CDC27: variants seen among roughly 807,000 people sequenced by gnomAD.
The protein encoded by CDC27 is cell division cycle protein 27 homolog.
Under a neutral mutation model 109.7 loss-of-function variants are expected in CDC27, and 27 were observed. The observed-to-expected ratio is 0.25, with a 90% CI of 0.18 to 0.34. The LOEUF (loss-of-function observed/expected upper bound fraction) is 0.34, where lower values mean the gene tolerates loss of function less well. Among genes scored for constraint, CDC27 ranks in the 10% least tolerant of loss-of-function variants. The pLI is 1.00. For synonymous variants in CDC27, 266 were observed against 333.9 expected, an observed-to-expected ratio of 0.80 and a Z score of 2.22; for missense variants, 579 against 960.2, an observed-to-expected ratio of 0.60 and a Z score of 5.25.
intron 4 of CDC27, among the ~76,000 whole-genome samples, chr17:47,167,297 TAAAAG>T (rs903145127): frequency 2.0e-5 from 3 of 152,248 alleles, no homozygotes; most frequent in African/African-American, 7.2e-5. Context: ...TTTCTAAAAA[TAAAAG>T]AATATGATGC....
chr17:47,168,960 G>A lies in CDC27; in HGVS notation c.377+957C>T, dbSNP rs11570480. Among the ~76,000 whole-genome samples, 917 of 151,230 alleles carry A rather than the reference G, an allele frequency of 6.1e-3. 18 individuals are homozygous for A. Among genetic ancestry groups the A allele is most frequent in the African/African-American group, 0.021 (877 of 41,258 alleles). The stretch of plus-strand genomic sequence containing the variant: ...ATTTACACATGTGAAGCATTCCCAT[G>A]GGCAGAGTTACTTGTTCTTTTTCTT... On this transcript the variant is annotated intron_variant, in intron 4 of 18. Transcript: ENST00000066544.
At chr17:47,176,512 C>T (rs1444903279) in intron 2 of CDC27, among the ~76,000 whole-genome samples, 1 of 152,024 alleles carries the variant, frequency 6.6e-6, no homozygotes, top group East Asian at 1.9e-4. Context: ...TAAAAGAGGG[C>T]TGGAAGAAGT....
At chr17:47,149,936 C>T (rs1383496947) in intron 9 of CDC27, among the ~76,000 whole-genome samples, 1 of 151,964 alleles carries the variant, frequency 6.6e-6, no homozygotes, top group Non-Finnish European at 1.5e-5. Flanking sequence ...GCCTGGGTAA[C>T]AGAGCGAAAC....
intron 4 of CDC27, chr17:47,159,190 C>G (rs1010743457): frequency 4.7e-6 from 2 of 425,532 alleles, no homozygotes; most frequent in African/African-American, 2.0e-5. Context: ...GTGTAAAAAC[C>G]CTATGTTGTA....
intron 14 of CDC27, among the ~76,000 whole-genome samples, 200 bp downstream of exon 14, chr17:47,136,952 T>C (rs79259606): frequency 6.6e-6 from 1 of 152,234 alleles, no homozygotes; most frequent in Non-Finnish European, 1.5e-5. Context: ...TGGTATTCTA[T>C]TATCATTAGT....
At chr17:47,160,227 CTT>C (rs759655850) in intron 4 of CDC27, among the ~76,000 whole-genome samples, 13 of 135,638 alleles carry the variant, frequency 9.6e-5, no homozygotes, top group Non-Finnish European at 8.0e-5. Flanking sequence ...GCCTCTCTAG[CTT>C]TTTTTTTTTT....
At chr17:47,154,539 T>G in intron 8 of CDC27, 133 bp downstream of exon 8, 1 of 573,692 alleles carries the variant, frequency 1.7e-6, no homozygotes, top group Non-Finnish European at 3.1e-6. Context: ...TAGATCACCC[T>G]CTACCTGCTG....
At position 47,181,649 on chromosome 17, in the gene CDC27, G is replaced by C. The variant is rs2149003779; in HGVS notation, c.28-12C>G. The C allele has an allele frequency of 6.4e-7, 1 of 1,556,888 alleles. No homozygotes were observed. Among genetic ancestry groups the C allele is most frequent in the East Asian group, 2.2e-5 (1 of 44,484 alleles). ...TGCCATATAGCAGCCTGCAAATGGA[G>C]GAAAAAGAACATAAATATACATACA... On this transcript the variant is annotated splice_polypyrimidine_tract_variant and intron_variant, in intron 1 of 18. Transcript: ENST00000066544.
At chr17:47,143,135 AT>A (rs200857474) in intron 10 of CDC27, among the ~76,000 whole-genome samples, 4 of 145,446 alleles carry the variant, frequency 2.8e-5, no homozygotes, top group South Asian at 4.3e-4. Context: ...ATCCCAGCTA[AT>A]TTTTTTTTTC....
intron 14 of CDC27, among the ~76,000 whole-genome samples, chr17:47,133,266 T>C (rs2148829521): frequency 6.8e-6 from 1 of 146,518 alleles, no homozygotes; most frequent in South Asian, 2.2e-4. Flanking sequence ...GCCTCCCGAG[T>C]AGCTGGGGAT....
intron 4 of CDC27, among the ~76,000 whole-genome samples, chr17:47,162,808 T>C (rs532204853): frequency 6.6e-6 from 1 of 152,332 alleles, no homozygotes; most frequent in African/African-American, 2.4e-5. Context: ...TGAGTAATTA[T>C]TTCATGAATA....
intron 4 of CDC27, among the ~76,000 whole-genome samples, chr17:47,164,448 C>T (rs1455141209): frequency 6.6e-6 from 1 of 152,224 alleles, no homozygotes; most frequent in Non-Finnish European, 1.5e-5. Flanking sequence ...ATGTACCCTA[C>T]ACCCAGCTTC....
intron 1 of CDC27, among the ~76,000 whole-genome samples, chr17:47,186,165 GC>G (rs2149019901): frequency 6.6e-6 from 1 of 152,288 alleles, no homozygotes; most frequent in Admixed American, 6.5e-5. Flanking sequence ...CCAAAGTGGT[GC>G]TTTTATTACA....
At chr17:47,148,549 A>G (rs2063051193) in intron 9 of CDC27, among the ~76,000 whole-genome samples, 1 of 152,214 alleles carries the variant, frequency 6.6e-6, no homozygotes, top group Admixed American at 6.5e-5. Context: ...TATGAAAACT[A>G]TAAACCCACA....
chr17:47,159,009 C>T (rs1288995023), intron 4 of CDC27, among the ~76,000 whole-genome samples: 1 of 152,174 alleles, frequency 6.6e-6, no homozygotes, highest in African/African-American at 2.4e-5. Flanking sequence ...ACCACAGCCT[C>T]CCAAAATGCT....
intron 5 of CDC27, among the ~76,000 whole-genome samples, 169 bp from the exon 6 acceptor site, chr17:47,157,553 T>G (rs558288731): frequency 6.6e-6 from 1 of 151,506 alleles, no homozygotes; most frequent in African/African-American, 2.4e-5. Context: ...TCTATCAATA[T>G]ATCATAAAAG....
At chr17:47,174,478 C>T (rs190781834) in intron 2 of CDC27, among the ~76,000 whole-genome samples, 226 of 152,240 alleles carry the variant, frequency 1.5e-3, no homozygotes, top group African/African-American at 5.1e-3. Context: ...CCTTTATTTA[C>T]AGACTTAATT....
intron 9 of CDC27, among the ~76,000 whole-genome samples, chr17:47,148,064 G>A (rs575723638): frequency 2.0e-4 from 30 of 151,926 alleles, no homozygotes; most frequent in Non-Finnish European, 3.8e-4. Context: ...AGGGCGCAGT[G>A]GCACATGCCT....
At chr17:47,159,788 A>G in intron 4 of CDC27, 1 of 435,890 alleles carries the variant, frequency 2.3e-6, no homozygotes, top group Non-Finnish European at 4.4e-6. Context: ...CCCCAGGAAA[A>G]AGTCAATGAT....
Sources: gnomAD v4.1 joint callset for allele counts (sites outside exome capture counted in the v4.1 genomes callset) on GRCh38, gnomAD v4.1.1 for gene constraint, MANE v1.5 for transcripts, NCBI Gene and HGNC (gene_info 2026-07-23, HGNC 2026-07-21) for gene names.